The following TENM3 variants were observed in gnomAD, a reference collection of about 807,000 sequenced individuals.
TENM3 encodes the protein teneurin transmembrane protein 3.
TENM3 carries 63 observed loss-of-function variants against 255.1 expected under a neutral mutation model. The ratio of observed to expected loss-of-function variants is 0.25; its 90% CI spans 0.20 to 0.30. TENM3 has a LOEUF of 0.30. TENM3 is among the 10% of genes least tolerant of loss of function. TENM3 has a pLI of 1.00. For synonymous variants in TENM3, 1,306 were observed against 1,322.3 expected, an observed-to-expected ratio of 0.99 and a Z score of 0.27; for missense variants, 2,929 against 3,461.1, an observed-to-expected ratio of 0.85 and a Z score of 3.86.
At chr4:182,439,236 G>C (rs186258554) in intron 3 of TENM3, among the ~76,000 whole-genome samples, 228 of 152,254 alleles carry the variant, frequency 1.5e-3, no homozygotes, top group African/African-American at 3.7e-3. Flanking sequence ...GACAGCCTCT[G>C]ACTCTACCTG....
chr4:181,599,873 C>A, the TENM3 span, among the ~76,000 whole-genome samples: 1 of 152,108 alleles, frequency 6.6e-6, no homozygotes, highest in Admixed American at 6.5e-5. Flanking sequence ...TTTATTAACA[C>A]TTGTGAATAT....
chr4:182,732,222 T>TG (rs1760824844), intron 16 of TENM3, among the ~76,000 whole-genome samples: 1 of 152,198 alleles, frequency 6.6e-6, no homozygotes, highest in Admixed American at 6.5e-5. Flanking sequence ...ATTTATTTAT[T>TG]GAAAAAAAAC....
chr4:182,397,738 G>A (rs1220886660), intron 3 of TENM3, among the ~76,000 whole-genome samples: 3 of 152,118 alleles, frequency 2.0e-5, no homozygotes, highest in South Asian at 2.1e-4. Flanking sequence ...CCTGGAGGGC[G>A]GCTAAAACAA....
At position 182,161,819 on chromosome 4, in the gene TENM3, ATATATACACATATATATGTG is replaced by A. The variant is rs1385463347; in HGVS notation, c.-76+17072_-76+17091del. On this transcript the variant is annotated intron_variant, in intron 1 of 2. Transcript: ENST00000512480. ...TATATATATACACATATATATGTAT[ATATATACACATATATATGTG>A]TATATATACACAAATATATATGTGT... is the stretch of plus-strand genomic sequence containing the variant. Among the ~76,000 whole-genome samples, 46 of 34,918 alleles carry A rather than the reference ATATATACACATATATATGTG, an allele frequency of 1.3e-3. 4 individuals are homozygous for A. Among genetic ancestry groups the A allele is most frequent in the Admixed American group, 3.0e-3 (5 of 1,688 alleles). The allele number at this position is 34,918 out of a possible 152,430, so 22.9% of individuals were successfully genotyped here.
chr4:182,747,819 C>G (rs946819122), intron 19 of TENM3, among the ~76,000 whole-genome samples: 2 of 152,110 alleles, frequency 1.3e-5, no homozygotes, highest in Non-Finnish European at 2.9e-5. Flanking sequence ...AAAAATCAAG[C>G]AGGCATGGAA....
At chr4:182,244,040 G>A (rs1027318960) in intron 1 of TENM3, among the ~76,000 whole-genome samples, 4 of 132,694 alleles carry the variant, frequency 3.0e-5, no homozygotes, top group Non-Finnish European at 6.2e-5. Context: ...TGCAAGCTCC[G>A]CCTCCCGGGT....
intron 3 of TENM3, among the ~76,000 whole-genome samples, chr4:182,536,926 T>C (rs1027613376): frequency 9.6e-4 from 146 of 152,348 alleles, no homozygotes; most frequent in Non-Finnish European, 1.6e-3. Context: ...TTCTTTTTTT[T>C]CCCTTGTTTG....
At chr4:182,184,825 A>T (rs1047814691) in intron 1 of TENM3, among the ~76,000 whole-genome samples, 1 of 152,108 alleles carries the variant, frequency 6.6e-6, no homozygotes, top group Non-Finnish European at 1.5e-5. Context: ...GGTGGCTCAC[A>T]CCTGTGATCC....
chr4:182,770,498 A>C (rs980210635), intron 22 of TENM3, among the ~76,000 whole-genome samples: 1 of 152,074 alleles, frequency 6.6e-6, no homozygotes, highest in South Asian at 2.1e-4. Flanking sequence ...TGACTGCCTG[A>C]TCCCACAGTC....
At chr4:182,461,198 G>T (rs1372544957) in intron 3 of TENM3, among the ~76,000 whole-genome samples, 1 of 152,076 alleles carries the variant, frequency 6.6e-6, no homozygotes, top group Non-Finnish European at 1.5e-5. Context: ...AAATTATCTT[G>T]CTTGGGCATC....
the TENM3 span, among the ~76,000 whole-genome samples, chr4:181,664,703 C>T: frequency 2.6e-5 from 4 of 152,090 alleles, no homozygotes; most frequent in Non-Finnish European, 5.9e-5. Context: ...CAGTGCACCC[C>T]TCTCATTCAC....
chr4:181,727,041 G>T, the TENM3 span, among the ~76,000 whole-genome samples: 1 of 152,086 alleles, frequency 6.6e-6, no homozygotes, highest in Non-Finnish European at 1.5e-5. Flanking sequence ...AGGAACCTTC[G>T]TGTGTTCAGC....
chr4:182,726,273 G>A (rs1760173241), intron 13 of TENM3, among the ~76,000 whole-genome samples: 4 of 152,042 alleles, frequency 2.6e-5, no homozygotes, highest in Non-Finnish European at 4.4e-5. Context: ...GATAAGCTAG[G>A]TCTCTGTCAA....
intron 1 of TENM3, among the ~76,000 whole-genome samples, chr4:182,209,466 CT>C (rs1265711474): frequency 6.6e-6 from 1 of 152,044 alleles, no homozygotes; most frequent in Non-Finnish European, 1.5e-5. Flanking sequence ...GCCAAGACTC[CT>C]GCTGGCAGAC....
At position 182,592,837 on chromosome 4, in the gene TENM3, G is replaced by C. The variant is rs371250259; in HGVS notation, c.512-8087G>C. 1.1e-4 allele frequency among the ~76,000 whole-genome samples: 17 copies of C among 152,308 alleles called. No homozygotes were observed. In the East Asian group the frequency reaches 2.7e-3, roughly 24 times the overall value. On this transcript the variant is annotated intron_variant, in intron 3 of 27. Transcript: ENST00000511685. Reference sequence around the variant, plus strand: ...GACTTAAGTTTTGTTTGAGACGAGAGAAAGTAAAGATATAGCCAGGAAGTG... The same window carrying C: ...GACTTAAGTTTTGTTTGAGACGAGACAAAGTAAAGATATAGCCAGGAAGTG...
intron 13 of TENM3, among the ~76,000 whole-genome samples, chr4:182,715,287 C>T (rs1025005658): frequency 2.6e-5 from 4 of 152,208 alleles, no homozygotes; most frequent in African/African-American, 9.7e-5. Flanking sequence ...TTGTGTTTCC[C>T]TGCCACTCCA....
chr4:181,857,551 C>CAAAAAAAAAAAA, the TENM3 span, among the ~76,000 whole-genome samples: 3 of 104,792 alleles, frequency 2.9e-5, no homozygotes, highest in African/African-American at 9.8e-5. Context: ...CCTGTCTCTA[C>CAAAAAAAAAAAA]AAAAAAAAAA....
At chr4:181,898,823 T>C in the TENM3 span, among the ~76,000 whole-genome samples, 2 of 152,218 alleles carry the variant, frequency 1.3e-5, no homozygotes, top group African/African-American at 4.8e-5. Flanking sequence ...TAAATGCATT[T>C]CATTCACTAT....
chr4:182,323,920 C>T lies in TENM3; in HGVS notation c.-75-26C>T, dbSNP rs1226275885. ...GTTTTTAGGTGAACGTCATGCTGAC[C>T]TCATGCAAACCTTGTATCTTCACAG... On this transcript the variant is annotated intron_variant, in intron 1 of 27. Transcript: ENST00000511685. 4.1e-6 allele frequency: 4 copies of T among 980,142 alleles called. No individual in the cohort carries two copies. The South Asian group carries it at 4.5e-5, about 11-fold the overall frequency. 60.7% of individuals were successfully genotyped at this position (980,142 alleles called of 1,614,324 possible).
Sources: allele counts gnomAD v4.1 joint callset (sites outside exome capture counted in the v4.1 genomes callset), GRCh38; gene constraint gnomAD v4.1.1; transcripts MANE v1.5; gene names NCBI Gene and HGNC (gene_info 2026-07-23, HGNC 2026-07-21).